The following TAF1D variants were observed in gnomAD, a reference collection of about 807,000 sequenced individuals.
TAF1D encodes TATA-box binding protein associated factor, RNA polymerase I subunit D, also known as TATA box-binding protein-associated factor RNA polymerase I subunit D.
TAF1D carries 23 observed loss-of-function variants against 26.2 expected under a neutral mutation model. That is an observed-to-expected ratio of 0.88 (90% confidence interval 0.63 to 1.25). The LOEUF (loss-of-function observed/expected upper bound fraction) is 1.25. Ranked by LOEUF, TAF1D falls within the 50% of genes most tolerant of loss-of-function variation. The pLI is 0.00. For synonymous variants in TAF1D, 100 were observed against 105.6 expected, an observed-to-expected ratio of 0.95 and a Z score of 0.33; for missense variants, 299 against 322.0, an observed-to-expected ratio of 0.93 and a Z score of 0.55.
intron 2 of TAF1D, 143 bp downstream of exon 2, chr11:93,739,094 C>A: frequency 1.6e-6 from 1 of 611,900 alleles, no homozygotes; most frequent in East Asian, 2.8e-5. Context: ...TTATATCAAT[C>A]TATGTAACTA....
chr11:93,735,039 C>T, downstream of TAF1D: 1 of 1,270,168 alleles, frequency 7.9e-7, no homozygotes, highest in Non-Finnish European at 1.0e-6. Context: ...CAGGCTTGAC[C>T]CATTGCACCT....
chr11:93,735,211 G>A (rs547963807), downstream of TAF1D: 53 of 1,351,630 alleles, frequency 3.9e-5, no homozygotes, highest in African/African-American at 1.6e-4. Flanking sequence ...CTTTGTCCAC[G>A]TTAAACAAAA....
At chr11:93,732,826 T>C (rs989800935), downstream of TAF1D, 4 of 237,448 alleles carry the variant, frequency 1.7e-5, no homozygotes, top group Non-Finnish European at 3.4e-5. Flanking sequence ...TGATTCAACA[T>C]ATCCACACAG....
chr11:93,736,274 G>A lies in TAF1D; in HGVS notation c.724C>T (p.Pro242Ser). ...GDSFIVSSEF[P>S]VRLSVYLEEE... ...TCTAAGTATACACTCAGTCTTACAG[G>A]GAATTCAGAACTTACTATGAAACTA... Residue 242 changes from proline to serine, a missense_variant, in exon 6 of 6, where the codon CCT (proline) becomes TCT (serine). Physicochemically the swap from Pro to Ser is moderately conservative, Grantham distance 74. Transcript: ENST00000448108. 1 of 1,609,454 alleles carries A rather than the reference G, an allele frequency of 6.2e-7. No homozygotes were observed. Among genetic ancestry groups the A allele is most frequent in the Non-Finnish European group, 8.5e-7 (1 of 1,178,622 alleles).
downstream of TAF1D, chr11:93,733,747 C>T (rs542404416): frequency 4.0e-4 from 125 of 312,618 alleles, 1 homozygote; most frequent in South Asian, 3.3e-3. Context: ...AGCCTCAAAC[C>T]GCTGGGCTCA....
At chr11:93,740,647 T>G (rs1229061340) in intron 1 of TAF1D, among the ~76,000 whole-genome samples, 1 of 148,166 alleles carries the variant, frequency 6.7e-6, no homozygotes. Flanking sequence ...CTCAGATTTG[T>G]TAAATGCCCC....
rs555801313 is a variant in TAF1D, at chr11:93,736,859, C to G, written c.636-108G>C. 53 of 1,325,982 alleles carry G rather than the reference C, an allele frequency of 4.0e-5. 1 individual carries two copies. In the African/African-American group the frequency reaches 6.6e-4, roughly 16 times the overall value. The allele number at this position is 1,325,982 out of a possible 1,614,324, so 82.1% of individuals were successfully genotyped here. On this transcript the variant is annotated intron_variant, in intron 4 of 5. Coordinates refer to ENST00000448108, the MANE Select transcript of TAF1D (RefSeq NM_024116.4). ...AAACTGCAATACTAGTCAAAGGAAA[C>G]ACAAAATTTGAGAATTTTGTGTTCT...
In TAF1D at chr11:93,737,197, TC is replaced by T. The variant is rs1565242983; in HGVS notation, c.501del (p.Lys168SerfsTer6). On this transcript the variant is annotated frameshift_variant, in exon 4 of 6. Coordinates refer to ENST00000448108, the MANE Select transcript of TAF1D (RefSeq NM_024116.4). LOFTEE classifies it high-confidence loss of function. ...ARGFFNYIEKLKYEHHLKESL... is the reference protein window; with the variant it reads ...ARGFFNYIEKXKYEHHLKESL... ...GATTCTTTCAGGTGGTGTTCATACT[TC>T]AGTTTTTCAATATAGTTAAAAAATC... 6.2e-7 allele frequency: 1 copy of T among 1,608,728 alleles called. No homozygotes were observed. Among genetic ancestry groups the T allele is most frequent in the Non-Finnish European group, 8.5e-7 (1 of 1,178,092 alleles).
rs78506092 is a variant in TAF1D at position 93,739,455 on chromosome 11, C to T, written c.-27-124G>A. The T allele has an allele frequency of 1.1e-3, 637 of 575,934 alleles. 4 individuals are homozygous for T. The highest frequency in any genetic ancestry group is 9.9e-3 in the African/African-American group (525 of 52,926). The allele number at this position is 575,934 out of a possible 1,614,324, so 35.7% of individuals were successfully genotyped here. A position where few individuals can be genotyped will look rare whatever the true frequency, so the allele number is the denominator to read the frequency against. ...GGCGAAATCATTTACCAAGGTTAAG[C>T]TTCTTATCCATTTCAGATCAGTTTC... On this transcript the variant is annotated intron_variant, in intron 1 of 5. Transcript: ENST00000448108.
downstream of TAF1D, chr11:93,733,019 G>A (rs532558770): frequency 3.0e-6 from 1 of 334,236 alleles, no homozygotes; most frequent in East Asian, 7.8e-5. Context: ...CTGAAATACT[G>A]GGATGGTGTA....
chr11:93,735,641 C>T lies in TAF1D; in HGVS notation c.*520G>A. The stretch of plus-strand genomic sequence containing the variant: ...CAAGACTGCGGCCATTGCACTACAG[C>T]CTGGGTGACAGATCGAGACTCTGTC... On this transcript the variant is annotated 3_prime_UTR_variant, in exon 6 of 6. Transcript: ENST00000448108. The T allele has an allele frequency of 2.0e-6, 2 of 978,136 alleles. No homozygotes were observed. Among genetic ancestry groups the T allele is most frequent in the Non-Finnish European group, 2.4e-6 (2 of 819,280 alleles). The allele number at this position is 978,136 out of a possible 1,614,324, so 60.6% of individuals were successfully genotyped here.
At chr11:93,740,326 G>C (rs923639103) in intron 1 of TAF1D, among the ~76,000 whole-genome samples, 3 of 150,696 alleles carry the variant, frequency 2.0e-5, no homozygotes, top group African/African-American at 7.4e-5. Context: ...CCGTGCCTTT[G>C]CTCCCAGCCA....
chr11:93,736,964 T>C (rs1056048371), intron 4 of TAF1D, 100 bp downstream of exon 4: 9 of 1,173,684 alleles, frequency 7.7e-6, no homozygotes, highest in Non-Finnish European at 1.2e-6. Flanking sequence ...TCTTTGTTCA[T>C]TATTTAAGTA....
At chr11:93,735,514 A>C (rs116863270), downstream of TAF1D, 11 of 437,200 alleles carry the variant, frequency 2.5e-5, no homozygotes, top group South Asian at 6.2e-4. Context: ...CTACTAAAAA[A>C]ACAAAAACTA....
At chr11:93,733,946 A>G (rs1565239718), downstream of TAF1D, 2 of 152,924 alleles carry the variant, frequency 1.3e-5, no homozygotes, top group African/African-American at 4.8e-5. Context: ...CACAAAAACA[A>G]TAATTTCACA....
intron 2 of TAF1D, 113 bp from the exon 3 acceptor site, chr11:93,738,612 G>T: frequency 8.7e-7 from 1 of 1,152,470 alleles, no homozygotes. Context: ...AACATGCCCA[G>T]AATTAAAAAT....
downstream of TAF1D, chr11:93,732,208 G>A (rs1419942806): frequency 4.1e-6 from 2 of 487,844 alleles, no homozygotes; most frequent in Non-Finnish European, 8.2e-6. Flanking sequence ...CTGATAGAGG[G>A]AAACAAGCAG....
downstream of TAF1D, chr11:93,735,500 G>T: frequency 2.4e-6 from 1 of 409,502 alleles, no homozygotes; most frequent in Non-Finnish European, 3.3e-6. Context: ...GTGAAAGCCT[G>T]TCTCTACTAA....
chr11:93,737,544 T>G (rs1223621851), intron 3 of TAF1D, among the ~76,000 whole-genome samples: 1 of 152,170 alleles, frequency 6.6e-6, no homozygotes, highest in Non-Finnish European at 1.5e-5. Context: ...ACCTTAAACT[T>G]AAGAGATTAA....
Sources: gnomAD v4.1 joint callset for allele counts (sites outside exome capture counted in the v4.1 genomes callset) on GRCh38, gnomAD v4.1.1 for gene constraint, MANE v1.5 for transcripts, NCBI Gene and HGNC (gene_info 2026-07-23, HGNC 2026-07-21) for gene names.